Variants in PLAG1 observed in about 807,000 individuals in gnomAD.
The protein encoded by PLAG1 is zinc finger protein PLAG1.
Under a neutral mutation model 35.5 loss-of-function variants are expected in PLAG1, and 7 were observed. That is an observed-to-expected ratio of 0.20 (90% CI 0.11 to 0.37). PLAG1 has a LOEUF of 0.37. Among genes scored for constraint, PLAG1 ranks in the 10% least tolerant of loss-of-function variants. PLAG1 has a pLI of 1.00. For synonymous variants in PLAG1, 229 were observed against 225.4 expected (o/e 1.02, Z -0.14); for missense variants, 454 against 602.8 (o/e 0.75, Z 2.58).
intron 1 of PLAG1, among the ~76,000 whole-genome samples, 157 bp from the exon 2 acceptor site, chr8:56,179,670 C>T (rs758289816): frequency 1.5e-4 from 23 of 152,166 alleles, no homozygotes; most frequent in Admixed American, 5.9e-4. Flanking sequence ...ATGTATAGTA[C>T]ATGGAAAAAT....
At chr8:56,183,768 T>G (rs1008610137) in intron 1 of PLAG1, among the ~76,000 whole-genome samples, 7 of 151,446 alleles carry the variant, frequency 4.6e-5, no homozygotes, top group African/African-American at 1.7e-4. Context: ...CTGGAAAAGT[T>G]TGATATCTAC....
In PLAG1 at chr8:56,194,623, CGTGTGT is replaced by C. The variant is rs369644515; in HGVS notation, c.-321-15116_-321-15111del. 4.0e-5 allele frequency among the ~76,000 whole-genome samples: 6 copies of C among 150,398 alleles called. No individual in the cohort carries two copies. In the East Asian group the frequency reaches 7.8e-4, roughly 20 times the overall value. On this transcript the variant is annotated intron_variant, in intron 1 of 4. Coordinates refer to ENST00000316981, the MANE Select transcript of PLAG1 (RefSeq NM_002655.3). Reference sequence around the variant, plus strand: ...TGTATGTGTGTTTGTGTGTGTGTGGCGTGTGTGTGTTTGTGTGTGTGTGGCATGTGT... The same window carrying C: ...TGTATGTGTGTTTGTGTGTGTGTGGCGTGTTTGTGTGTGTGTGGCATGTGT...
intron 1 of PLAG1, among the ~76,000 whole-genome samples, chr8:56,193,369 T>C (rs969694893): frequency 6.6e-6 from 1 of 152,174 alleles, no homozygotes; most frequent in African/African-American, 2.4e-5. Context: ...AAAAAGTTTT[T>C]TGAAAACACC....
intron 1 of PLAG1, among the ~76,000 whole-genome samples, chr8:56,181,278 T>G (rs972770114): frequency 6.6e-6 from 1 of 152,264 alleles, no homozygotes; most frequent in Non-Finnish European, 1.5e-5. Context: ...GTATGTTTAT[T>G]GTGGCACTGT....
chr8:56,200,141 T>TC (rs1410931073), intron 1 of PLAG1, among the ~76,000 whole-genome samples: 1 of 152,120 alleles, frequency 6.6e-6, no homozygotes, highest in Non-Finnish European at 1.5e-5. Context: ...CAAGCATCCT[T>TC]CCCTGGATTC....
intron 2 of PLAG1, among the ~76,000 whole-genome samples, chr8:56,172,294 A>AT (rs34460938): frequency 2.6e-5 from 4 of 152,256 alleles, no homozygotes; most frequent in South Asian, 2.1e-4. Context: ...TGAAAGCAGC[A>AT]TTTTTTTATA....
intron 3 of PLAG1, among the ~76,000 whole-genome samples, chr8:56,169,809 G>A (rs1030610601): frequency 6.6e-6 from 1 of 152,184 alleles, no homozygotes; most frequent in African/African-American, 2.4e-5. Context: ...CTCTCAACAT[G>A]CTGGGATTAT....
intron 2 of PLAG1, among the ~76,000 whole-genome samples, chr8:56,172,983 G>A (rs180683766): frequency 1.4e-4 from 22 of 152,208 alleles, no homozygotes; most frequent in Middle Eastern, 3.4e-3. Context: ...AGTGGAAAAC[G>A]ATTTGGGTAG....
chr8:56,208,809 T>C (rs937291724), intron 1 of PLAG1, among the ~76,000 whole-genome samples: 3 of 152,246 alleles, frequency 2.0e-5, no homozygotes, highest in African/African-American at 4.8e-5. Context: ...TAGTAGTTTA[T>C]GGTCAGTAAA....
At position 56,171,183 on chromosome 8, in the gene PLAG1, G is replaced by T; in HGVS notation, c.-210C>A. 2.1e-6 allele frequency: 2 copies of T among 962,386 alleles called. No individual in the cohort carries two copies. The highest frequency in any genetic ancestry group is 2.5e-6 in the Non-Finnish European group (2 of 808,774). The allele number at this position is 962,386 out of a possible 1,614,324, so 59.6% of individuals were successfully genotyped here. On this transcript the variant is annotated 5_prime_UTR_variant, in exon 3 of 5. Transcript: ENST00000316981. Reference sequence around the variant, plus strand: ...AGTGGAATCCAATCCTTCCCATTTTGGCCAATCTATGAAAAAAAAGTGAAA... The same window carrying T: ...AGTGGAATCCAATCCTTCCCATTTTTGCCAATCTATGAAAAAAAAGTGAAA...
Position 56,167,531 on chromosome 8 carries a change from A to T in PLAG1, c.243-28T>A. 6.9e-7 allele frequency: 1 copy of T among 1,454,786 alleles called. No individual in the cohort carries two copies. The highest frequency in any genetic ancestry group is 1.8e-4 in the Middle Eastern group (1 of 5,680). The allele number at this position is 1,454,786 out of a possible 1,614,324, so 90.1% of individuals were successfully genotyped here. A position where few individuals can be genotyped will look rare whatever the true frequency, so the allele number is the denominator to read the frequency against. ...TTAAACACAGATATAATCTATAAGTAGTTATTATGACAAAAATGGCATGTA... is the reference window on the plus strand; with the variant it reads ...TTAAACACAGATATAATCTATAAGTTGTTATTATGACAAAAATGGCATGTA... On this transcript the variant is annotated intron_variant, in intron 4 of 4. Transcript: ENST00000316981. This position sits in a 1 kb window ranked among gnomAD's most constrained non-coding sequence, Gnocchi z 5.9.
chr8:56,178,788 T>C (rs1451214603), intron 2 of PLAG1, among the ~76,000 whole-genome samples: 5 of 152,040 alleles, frequency 3.3e-5, no homozygotes, highest in African/African-American at 1.2e-4. Flanking sequence ...ACTTACCTGG[T>C]ACCAAATCCA....
intron 1 of PLAG1, among the ~76,000 whole-genome samples, chr8:56,207,005 T>A (rs1812719312): frequency 6.6e-6 from 1 of 151,998 alleles, no homozygotes; most frequent in African/African-American, 2.4e-5. Flanking sequence ...CTTATACACT[T>A]GCAAACACAC....
intron 2 of PLAG1, among the ~76,000 whole-genome samples, chr8:56,172,685 A>T (rs1418394033): frequency 1.3e-5 from 2 of 152,164 alleles, no homozygotes; most frequent in Non-Finnish European, 2.9e-5. Flanking sequence ...ACTTGACAGC[A>T]TATGTGTGAT....
At position 56,167,098 on chromosome 8, in the gene PLAG1, C is replaced by A. The variant is rs1585775192; in HGVS notation, c.648G>T (p.Gln216His). The change falls in exon 5 of 5, where the codon CAG becomes CAT. Residue 216 changes from glutamine (Q) to histidine (H), a missense_variant. By Grantham distance (24) the Gln-to-His change is conservative (BLOSUM62 0). This residue lies in a region of PLAG1 where 9 missense variants were observed against 37.4 expected (regional missense o/e 0.24). Transcript: ENST00000316981. This position sits in a 1 kb window ranked among gnomAD's most constrained non-coding sequence, Gnocchi z 5.9. ...TTCGCCCAAATCTCTGTGCACAATA[C>A]TGACAGAGGAAGTCCTTTCTTCCAG... is the stretch of plus-strand genomic sequence containing the variant. ...VHTGRKDFLCQYCAQRFGRKD... is the reference protein window; with the variant it reads ...VHTGRKDFLCHYCAQRFGRKD... 6.2e-7 allele frequency: 1 copy of A among 1,614,062 alleles called. No individual in the cohort carries two copies. Among genetic ancestry groups the A allele is most frequent in the East Asian group, 2.2e-5 (1 of 44,890 alleles).
chr8:56,203,712 C>T (rs779019916), intron 1 of PLAG1, among the ~76,000 whole-genome samples: 7 of 152,040 alleles, frequency 4.6e-5, no homozygotes, highest in Non-Finnish European at 1.0e-4. Context: ...GCTGCTTCCA[C>T]CACTCTTGGT....
chr8:56,162,413 T>C lies in PLAG1; in HGVS notation c.*3830A>G, dbSNP rs1260134696. ...CTTATGAAAAGACACACACTGATTC[T>C]GTGCAATATAGCAAATTGATAAGAA... is the stretch of plus-strand genomic sequence containing the variant. On this transcript the variant is annotated 3_prime_UTR_variant, in exon 5 of 5. Transcript: ENST00000316981. 1.3e-5 allele frequency: 3 copies of C among 222,572 alleles called. No individual in the cohort carries two copies. The highest frequency in any genetic ancestry group is 2.7e-5 in the Non-Finnish European group (3 of 111,152). The allele number at this position is 222,572 out of a possible 1,614,324, so 13.8% of individuals were successfully genotyped here.
At chr8:56,173,160 T>C (rs145030679) in intron 2 of PLAG1, among the ~76,000 whole-genome samples, 1 of 152,278 alleles carries the variant, frequency 6.6e-6, no homozygotes, top group African/African-American at 2.4e-5. Context: ...AGCATCTAAG[T>C]ATTTCAACAC....
intron 1 of PLAG1, among the ~76,000 whole-genome samples, chr8:56,197,368 T>C (rs1812410367): frequency 6.6e-6 from 1 of 152,166 alleles, no homozygotes; most frequent in Non-Finnish European, 1.5e-5. Context: ...TCTGGATGTG[T>C]CACTCTCTCC....
Sources: gnomAD v4.1 joint callset for allele counts (sites outside exome capture counted in the v4.1 genomes callset) on GRCh38, gnomAD v4.1.1 for gene constraint, gnomAD v4.1.1 regional missense constraint, Gnocchi (gnomAD v3.1) non-coding constraint, MANE v1.5 for transcripts, NCBI Gene and HGNC (gene_info 2026-07-23, HGNC 2026-07-21) for gene names.